The following LRRC20 variants were observed in gnomAD, a reference collection of about 807,000 sequenced individuals.
The protein encoded by LRRC20 is leucine rich repeat containing 20, also known as leucine-rich repeat-containing protein 20.
LRRC20 carries 11 observed loss-of-function variants against 14.4 expected under a neutral mutation model. That is an observed-to-expected ratio of 0.77 (90% CI 0.48 to 1.27). The LOEUF (loss-of-function observed/expected upper bound fraction) is 1.27. Among genes scored for constraint, LRRC20 ranks in the 50% most tolerant of loss-of-function variants. LRRC20 has a pLI of 0.00. For missense variants in LRRC20, 219 were observed against 251.2 expected, an observed-to-expected ratio of 0.87 and a Z score of 0.87; for synonymous variants, 121 against 107.3, an observed-to-expected ratio of 1.13 and a Z score of -0.79.
chr10:70,347,192 C>T (rs1389526990), intron 2 of LRRC20, among the ~76,000 whole-genome samples: 2 of 152,050 alleles, frequency 1.3e-5, no homozygotes, highest in Non-Finnish European at 2.9e-5. Flanking sequence ...CTGGCAAATT[C>T]GCAGATAAAT....
At chr10:70,305,750 T>TC (rs1420986197) in intron 4 of LRRC20, among the ~76,000 whole-genome samples, 2 of 151,752 alleles carry the variant, frequency 1.3e-5, no homozygotes, top group Admixed American at 6.6e-5. Flanking sequence ...CCAATTTTTT[T>TC]TTTTTTTTGA....
chr10:70,347,852 AC>A (rs1843136569), intron 2 of LRRC20, among the ~76,000 whole-genome samples: 1 of 150,896 alleles, frequency 6.6e-6, no homozygotes, highest in African/African-American at 2.4e-5. Flanking sequence ...ACACACACAC[AC>A]AAAAAACAAG....
chr10:70,353,142 G>T (rs553693618), intron 2 of LRRC20, among the ~76,000 whole-genome samples: 1 of 152,074 alleles, frequency 6.6e-6, no homozygotes, highest in African/African-American at 2.4e-5. Flanking sequence ...GCTGTGCTGG[G>T]GCTTCAGACC....
intron 2 of LRRC20, among the ~76,000 whole-genome samples, chr10:70,355,713 C>G (rs2004737392): frequency 6.6e-6 from 1 of 152,162 alleles, no homozygotes; most frequent in African/African-American, 2.4e-5. Context: ...AAAGGAACAT[C>G]CCCAACATGC....
intron 2 of LRRC20, among the ~76,000 whole-genome samples, chr10:70,346,805 T>A (rs985755441): frequency 2.6e-5 from 4 of 152,240 alleles, no homozygotes; most frequent in African/African-American, 9.6e-5. Flanking sequence ...TAAAATACCA[T>A]TCTATATTTA....
At chr10:70,345,802 C>T (rs1340480630) in intron 2 of LRRC20, among the ~76,000 whole-genome samples, 1 of 152,148 alleles carries the variant, frequency 6.6e-6, no homozygotes, top group Admixed American at 6.6e-5. Context: ...TGGTATCCTG[C>T]TTTAATTTGC....
intron 3 of LRRC20, among the ~76,000 whole-genome samples, chr10:70,334,555 A>C (rs1589080096): frequency 6.6e-6 from 1 of 150,420 alleles, no homozygotes; most frequent in Non-Finnish European, 1.5e-5. Flanking sequence ...CCCCCTTCCC[A>C]CCCCCAAATA....
intron 2 of LRRC20, among the ~76,000 whole-genome samples, chr10:70,345,167 T>C (rs1340005547): frequency 6.6e-6 from 1 of 151,950 alleles, no homozygotes; most frequent in Non-Finnish European, 1.5e-5. Context: ...AGAAAGAAAT[T>C]ATGTAGTTCA....
intron 2 of LRRC20, among the ~76,000 whole-genome samples, chr10:70,360,505 T>C (rs1554843025): frequency 6.6e-6 from 1 of 152,044 alleles, no homozygotes; most frequent in Non-Finnish European, 1.5e-5. Context: ...GGCATGATCA[T>C]AGCTTACTGC....
chr10:70,320,924 C>G (rs1397669897), intron 4 of LRRC20, among the ~76,000 whole-genome samples: 1 of 152,162 alleles, frequency 6.6e-6, no homozygotes, highest in Non-Finnish European at 1.5e-5. Flanking sequence ...CGTGGCAGCT[C>G]TATTCGGAAA....
rs1841062190 is a variant in LRRC20, at chr10:70,299,068, C to G, written c.*2286G>C. 6.6e-6 allele frequency: 1 copy of G among 152,588 alleles called. No homozygotes were observed. The highest frequency in any genetic ancestry group is 1.5e-5 in the Non-Finnish European group (1 of 68,102). 9.5% of individuals were successfully genotyped at this position (152,588 alleles called of 1,614,324 possible). A position where few individuals can be genotyped will look rare whatever the true frequency, so the allele number is the denominator to read the frequency against. ...GGCATCTGTGGCTGCCCACACTTTC[C>G]AAGACAGACAAGGGCAAACTCTCCA... On this transcript the variant is annotated 3_prime_UTR_variant, in exon 5 of 5. Coordinates refer to ENST00000446961, the MANE Select transcript of LRRC20 (RefSeq NM_001278212.2).
At chr10:70,354,361 G>GT (rs1843445650) in intron 2 of LRRC20, among the ~76,000 whole-genome samples, 1 of 152,154 alleles carries the variant, frequency 6.6e-6, no homozygotes, top group South Asian at 2.1e-4. Flanking sequence ...TAGGTGGGGC[G>GT]TAAGAGTCTG....
chr10:70,366,297 C>T (rs1460597637), intron 2 of LRRC20, among the ~76,000 whole-genome samples: 2 of 151,786 alleles, frequency 1.3e-5, no homozygotes, highest in South Asian at 4.2e-4. Flanking sequence ...GTGGCAGGCG[C>T]CTGTAATCCC....
intron 2 of LRRC20, among the ~76,000 whole-genome samples, chr10:70,366,081 A>C (rs557807151): frequency 0.011 from 1,502 of 139,658 alleles, 15 homozygotes; most frequent in African/African-American, 0.024. Flanking sequence ...AAAAAAAAAA[A>C]AAAAACAACA....
chr10:70,315,339 A>G (rs1841814764), intron 4 of LRRC20, among the ~76,000 whole-genome samples: 1 of 152,256 alleles, frequency 6.6e-6, no homozygotes, highest in Non-Finnish European at 1.5e-5. Flanking sequence ...CCCAAATTCA[A>G]AAGTGTCCCC....
At chr10:70,326,301 C>CACAT (rs1184068234) in intron 3 of LRRC20, among the ~76,000 whole-genome samples, 11 of 147,848 alleles carry the variant, frequency 7.4e-5, no homozygotes, top group African/African-American at 2.5e-4. Context: ...TCTGTGTACA[C>CACAT]ACACACACAC....
At chr10:70,358,190 G>T (rs149130194) in intron 2 of LRRC20, among the ~76,000 whole-genome samples, 51 of 152,304 alleles carry the variant, frequency 3.3e-4, no homozygotes, top group African/African-American at 1.1e-3. Context: ...CCCTATCTGT[G>T]AAACACAGAA....
At chr10:70,355,702 G>A (rs1843492432) in intron 2 of LRRC20, among the ~76,000 whole-genome samples, 2 of 152,172 alleles carry the variant, frequency 1.3e-5, no homozygotes, top group South Asian at 4.1e-4. Context: ...CCAGTTTAAA[G>A]AAAGGAACAT....
chr10:70,355,046 C>G lies in LRRC20; in HGVS notation c.83-14344G>C, dbSNP rs113806908. On this transcript the variant is annotated intron_variant, in intron 2 of 4. Coordinates refer to ENST00000446961, the MANE Select transcript of LRRC20 (RefSeq NM_001278212.2). Reference sequence around the variant, plus strand: ...CCTCTGACTCCATGATTCTACTAAACAAAGGCTCTTCAGACAGCCCTCTGT... The same window carrying G: ...CCTCTGACTCCATGATTCTACTAAAGAAAGGCTCTTCAGACAGCCCTCTGT... Among the ~76,000 whole-genome samples the G allele has an allele frequency of 7.3e-3, 1,116 of 152,304 alleles. 14 individuals are homozygous for G. The highest frequency in any genetic ancestry group is 0.056 in the South Asian group (270 of 4,830).
Sources: allele counts gnomAD v4.1 joint callset (sites outside exome capture counted in the v4.1 genomes callset), GRCh38; gene constraint gnomAD v4.1.1; transcripts MANE v1.5; gene names NCBI Gene and HGNC (gene_info 2026-07-23, HGNC 2026-07-21).